GLCE: variants seen among roughly 807,000 people sequenced by gnomAD.
GLCE encodes D-glucuronyl C5-epimerase.
In GLCE, 19 loss-of-function variants were observed where a neutral mutation model predicts 47.9. The ratio of observed to expected loss-of-function variants is 0.40; its 90% CI spans 0.28 to 0.58. The LOEUF (loss-of-function observed/expected upper bound fraction) is 0.58, where lower values mean the gene tolerates loss of function less well. Ranked by LOEUF, GLCE falls within the 20% of genes least tolerant of loss-of-function variation. The pLI is 0.48. For missense variants in GLCE, 556 were observed against 743.3 expected, an observed-to-expected ratio of 0.75 and a Z score of 2.93; for synonymous variants, 245 against 263.4, an observed-to-expected ratio of 0.93 and a Z score of 0.68.
chr15:69,179,836 A>C (rs2051726166), intron 1 of GLCE, among the ~76,000 whole-genome samples: 1 of 152,004 alleles, frequency 6.6e-6, no homozygotes. Flanking sequence ...AAAATACAAA[A>C]ATTAGCTGGG....
At chr15:69,221,334 G>A (rs934194824) in intron 2 of GLCE, among the ~76,000 whole-genome samples, 1 of 152,158 alleles carries the variant, frequency 6.6e-6, no homozygotes, top group African/African-American at 2.4e-5. Flanking sequence ...ATTGCTTTGT[G>A]TAGTGCTGAC....
chr15:69,257,105 A>G (rs2052936205), intron 3 of GLCE, among the ~76,000 whole-genome samples: 1 of 152,318 alleles, frequency 6.6e-6, no homozygotes, highest in South Asian at 2.1e-4. Flanking sequence ...TAAAATCTGT[A>G]TTGAAGTAAG....
At chr15:69,207,210 C>T (rs2052164744) in intron 1 of GLCE, among the ~76,000 whole-genome samples, 2 of 152,178 alleles carry the variant, frequency 1.3e-5, no homozygotes, top group African/African-American at 4.8e-5. Context: ...ATTCATTTGT[C>T]ATGGACTGCA....
chr15:69,184,885 A>G (rs553047341), intron 1 of GLCE, among the ~76,000 whole-genome samples: 3 of 152,306 alleles, frequency 2.0e-5, no homozygotes, highest in African/African-American at 7.2e-5. Context: ...AGAAAGGACA[A>G]CCTTAACCAG....
Position 69,261,200 on chromosome 15 carries a change from G to C in GLCE, c.700G>C (p.Glu234Gln). ...TCTAACTGAGAAACCTCCTCACATAGAGGTATATGAAACAGCAGAAGACAG... is the reference window on the plus strand; with the variant it reads ...TCTAACTGAGAAACCTCCTCACATACAGGTATATGAAACAGCAGAAGACAG... Reference protein sequence around the residue: ...KNLTEKPPHIEVYETAEDRDK... With the variant: ...KNLTEKPPHIQVYETAEDRDK... The change falls in exon 4 of 5, where the codon GAG (glutamate) becomes CAG (glutamine). Residue 234 changes from glutamate to glutamine, a missense_variant. Physicochemically the swap from Glu to Gln is conservative, Grantham distance 29. This residue lies in a region of GLCE where 237 missense variants were observed against 310.9 expected (regional missense o/e 0.76). Transcript: ENST00000261858. 1 of 1,614,090 alleles carries C rather than the reference G, an allele frequency of 6.2e-7. No homozygotes were observed. Among genetic ancestry groups the C allele is most frequent in the Non-Finnish European group, 8.5e-7 (1 of 1,179,990 alleles).
intron 1 of GLCE, among the ~76,000 whole-genome samples, chr15:69,167,941 G>T (rs1293710918): frequency 6.7e-6 from 1 of 150,048 alleles, no homozygotes; most frequent in African/African-American, 2.5e-5. Context: ...ATATCCAAAT[G>T]TCTCCCTCCT....
chr15:69,234,212 A>G (rs1396207031), intron 2 of GLCE, among the ~76,000 whole-genome samples: 1 of 152,076 alleles, frequency 6.6e-6, no homozygotes, highest in Admixed American at 6.5e-5. Context: ...TCCTGACCTC[A>G]GGTAATCCGC....
chr15:69,228,197 T>C (rs750903925), intron 2 of GLCE, among the ~76,000 whole-genome samples: 9 of 152,208 alleles, frequency 5.9e-5, no homozygotes, highest in Non-Finnish European at 1.0e-4. Flanking sequence ...TGTGAGGAAC[T>C]ATAAGTTGTC....
chr15:69,262,059 T>A (rs1477937641), intron 4 of GLCE, among the ~76,000 whole-genome samples: 1 of 152,182 alleles, frequency 6.6e-6, no homozygotes, highest in Non-Finnish European at 1.5e-5. Context: ...ACAGAACTTG[T>A]TCCCCCTCCC....
intron 2 of GLCE, among the ~76,000 whole-genome samples, chr15:69,236,286 C>G (rs2052593625): frequency 6.6e-6 from 1 of 151,928 alleles, no homozygotes; most frequent in South Asian, 2.1e-4. Context: ...ATGGCATTCT[C>G]TGGAGTCATA....
chr15:69,262,128 T>C (rs943291819), intron 4 of GLCE, among the ~76,000 whole-genome samples: 1 of 152,190 alleles, frequency 6.6e-6, no homozygotes, highest in African/African-American at 2.4e-5. Flanking sequence ...TCTTCTGTAT[T>C]CTCTCCTTGT....
In GLCE at chr15:69,256,209, A is replaced by G. The variant is rs1414576824; in HGVS notation, c.403A>G (p.Lys135Glu). Residue 135 changes from lysine to glutamate, a missense_variant, in exon 3 of 5, where the codon AAA (lysine) becomes GAA (glutamate). By Grantham distance (56) the Lys-to-Glu change is moderately conservative. Around this residue, in one of 3 missense-constraint regions of GLCE, gnomAD observed 237 missense variants for 310.9 expected, o/e 0.76. Transcript: ENST00000261858. ...CTTTCTTCCATTCACTTGGGTTGAG[A>G]AATATTTTGATGTTTATGGAAAGGT... ...EVFLPFTWVEKYFDVYGKVVQ... is the reference protein window; with the variant it reads ...EVFLPFTWVEEYFDVYGKVVQ... 6.2e-7 allele frequency: 1 copy of G among 1,614,104 alleles called. No homozygotes were observed.
At chr15:69,240,477 A>T (rs1479090458) in intron 2 of GLCE, among the ~76,000 whole-genome samples, 1 of 152,124 alleles carries the variant, frequency 6.6e-6, no homozygotes, top group Non-Finnish European at 1.5e-5. Flanking sequence ...TAGATTTTTT[A>T]AATTGTGGAG....
At chr15:69,175,899 A>G (rs1317664064) in intron 1 of GLCE, among the ~76,000 whole-genome samples, 1 of 152,204 alleles carries the variant, frequency 6.6e-6, no homozygotes, top group East Asian at 1.9e-4. Context: ...ACACTCAGGA[A>G]ATGTGTGAAT....
intron 2 of GLCE, among the ~76,000 whole-genome samples, chr15:69,253,138 C>T (rs2052870745): frequency 6.6e-6 from 1 of 152,194 alleles, no homozygotes; most frequent in Admixed American, 6.5e-5. Context: ...TTCTCCCCTC[C>T]TCATACCTCT....
In GLCE at chr15:69,191,568, A is replaced by G. The variant is rs187726398; in HGVS notation, c.-104-18748A>G. ...ACAACACATGTGAATACAGTTGAACAGGAAGCTCATTAGAGACTCAGTGCC... is the reference window on the plus strand; with the variant it reads ...ACAACACATGTGAATACAGTTGAACGGGAAGCTCATTAGAGACTCAGTGCC... On this transcript the variant is annotated intron_variant, in intron 1 of 4. Coordinates refer to ENST00000261858, the MANE Select transcript of GLCE (RefSeq NM_015554.3). Among the ~76,000 whole-genome samples, 89 of 152,294 alleles carry G rather than the reference A, an allele frequency of 5.8e-4. 1 individual carries two copies. Among genetic ancestry groups the G allele is most frequent in the Admixed American group, 3.7e-3 (57 of 15,276 alleles).
At chr15:69,204,672 T>A (rs908780728) in intron 1 of GLCE, among the ~76,000 whole-genome samples, 1 of 152,176 alleles carries the variant, frequency 6.6e-6, no homozygotes, top group African/African-American at 2.4e-5. Context: ...TGTGGAATTC[T>A]CTACTGACTG....
At chr15:69,201,705 T>C (rs1383670525) in intron 1 of GLCE, among the ~76,000 whole-genome samples, 1 of 150,948 alleles carries the variant, frequency 6.6e-6, no homozygotes, top group Non-Finnish European at 1.5e-5. Context: ...TTTATCTCTC[T>C]TTTTTTCTAT....
At chr15:69,179,979 T>C (rs2051727982) in intron 1 of GLCE, among the ~76,000 whole-genome samples, 1 of 151,530 alleles carries the variant, frequency 6.6e-6, no homozygotes, top group African/African-American at 2.4e-5. Flanking sequence ...AGAGTGAGAC[T>C]CTGTCTCAAA....
Sources: allele counts gnomAD v4.1 joint callset (sites outside exome capture counted in the v4.1 genomes callset), GRCh38; gene constraint gnomAD v4.1.1; regional missense constraint gnomAD v4.1.1; transcripts MANE v1.5; gene names NCBI Gene and HGNC (gene_info 2026-07-23, HGNC 2026-07-21).